MMP27: variants seen among roughly 807,000 people sequenced by gnomAD.
MMP27 encodes matrix metallopeptidase 27.
A neutral mutation model predicts 48.1 loss-of-function variants in MMP27; 51 were observed. The observed-to-expected ratio is 1.06, with a 90% confidence interval of 0.85 to 1.34. MMP27 has a LOEUF of 1.34. MMP27 is among the 40% of genes most tolerant of loss of function. The pLI is 0.00. For missense variants in MMP27, 698 were observed against 619.3 expected, an observed-to-expected ratio of 1.13 and a Z score of -1.35; for synonymous variants, 229 against 208.9, an observed-to-expected ratio of 1.10 and a Z score of -0.83.
chr11:102,702,696 C>A (rs1860964101), intron 4 of MMP27, 57 bp downstream of exon 4: 3 of 1,535,594 alleles, frequency 2.0e-6, no homozygotes, highest in East Asian at 4.5e-5. Context: ...CAAAGCTATT[C>A]TTTTCAGGGA....
chr11:102,700,313 A>G (rs1860916554), intron 4 of MMP27, among the ~76,000 whole-genome samples: 1 of 152,240 alleles, frequency 6.6e-6, no homozygotes, highest in Non-Finnish European at 1.5e-5. Flanking sequence ...GTGACTAAAT[A>G]GACAAATTTG....
intron 4 of MMP27, among the ~76,000 whole-genome samples, chr11:102,701,430 G>A (rs1003806601): frequency 2.0e-5 from 3 of 152,200 alleles, no homozygotes; most frequent in African/African-American, 7.2e-5. Context: ...TCTGCCTCTA[G>A]CTATGAAAGT....
chr11:102,694,131 A>C (rs1860778803), intron 7 of MMP27, 66 bp from the exon 8 acceptor site: 1 of 1,211,372 alleles, frequency 8.3e-7, no homozygotes, highest in Non-Finnish European at 1.1e-6. Flanking sequence ...AAATTTAAAA[A>C]TCATTAGATA....
intron 9 of MMP27, among the ~76,000 whole-genome samples, chr11:102,692,322 T>A (rs753811491): frequency 9.2e-5 from 14 of 152,210 alleles, no homozygotes; most frequent in Non-Finnish European, 2.1e-4. Context: ...AAAAGGCCCC[T>A]GTGGATATGG....
At chr11:102,694,833 G>A (rs1389730980) in intron 7 of MMP27, 134 bp downstream of exon 7, 7 of 927,520 alleles carry the variant, frequency 7.5e-6, no homozygotes, top group Non-Finnish European at 7.9e-6. Context: ...TATTCTTTAC[G>A]ACAGGAACCT....
chr11:102,699,416 C>T (rs970417041), intron 4 of MMP27, among the ~76,000 whole-genome samples: 6 of 151,964 alleles, frequency 3.9e-5, no homozygotes, highest in Admixed American at 6.6e-5. Flanking sequence ...TGTAGTGAGC[C>T]GAGATCGCAC....
intron 4 of MMP27, among the ~76,000 whole-genome samples, chr11:102,699,201 T>A (rs189712242): frequency 6.6e-6 from 1 of 152,234 alleles, no homozygotes; most frequent in East Asian, 1.9e-4. Context: ...GCGTGGTGGT[T>A]CACTCTTGTA....
intron 7 of MMP27, among the ~76,000 whole-genome samples, chr11:102,694,531 T>C (rs918500679): frequency 3.4e-4 from 51 of 152,172 alleles, no homozygotes; most frequent in Admixed American, 2.8e-3. Context: ...CAGTTAAATT[T>C]GATTTCAAGT....
chr11:102,692,701 A>G (rs771347528), intron 9 of MMP27, among the ~76,000 whole-genome samples: 1 of 152,212 alleles, frequency 6.6e-6, no homozygotes, highest in Non-Finnish European at 1.5e-5. Context: ...CTTATCAATG[A>G]TGAGTAAAAT....
At chr11:102,703,417 G>A (rs570711988) in intron 2 of MMP27, among the ~76,000 whole-genome samples, 11 of 152,132 alleles carry the variant, frequency 7.2e-5, no homozygotes, top group African/African-American at 2.4e-4. Context: ...TCTCATGTAC[G>A]TGTTGGCTTG....
Position 102,693,033 on chromosome 11 carries a change from T to C in MMP27, c.1202A>G (p.Glu401Gly). 6.2e-7 allele frequency: 1 copy of C among 1,612,502 alleles called. No homozygotes were observed. Among genetic ancestry groups the C allele is most frequent in the Non-Finnish European group, 8.5e-7 (1 of 1,178,868 alleles). Residue 401 changes from glutamate (E) to glycine (G), a missense_variant, in exon 9 of 10, where the codon GAA (glutamate) becomes GGA (glycine). Coordinates refer to ENST00000260229, the MANE Select transcript of MMP27 (RefSeq NM_022122.3). The part of the protein sequence containing the change: ...FVGIWCWRFD[E>G]MTQTMDKGFP... ...CCCTTTGTCCATGGTTTGGGTCATT[T>C]CATCAAACCTGCATACAAGAATATG...
chr11:102,691,669 T>A lies in MMP27; in HGVS notation c.*97A>T. On this transcript the variant is annotated 3_prime_UTR_variant, in exon 10 of 10. Transcript: ENST00000260229. The stretch of plus-strand genomic sequence containing the variant: ...GCCATTGAATTTGGATATTTAGAAC[T>A]AGGACCAGCAACTTGTTGTTAAAGA... The A allele has an allele frequency of 8.9e-7, 1 of 1,124,894 alleles. No individual in the cohort carries two copies. Among genetic ancestry groups the A allele is most frequent in the Non-Finnish European group, 1.2e-6 (1 of 812,642 alleles). 69.7% of individuals were successfully genotyped at this position (1,124,894 alleles called of 1,614,324 possible).
Position 102,703,011 on chromosome 11 carries a change from G to T in MMP27, c.449C>A (p.Ser150Ter). The T allele has an allele frequency of 6.2e-7, 1 of 1,614,134 alleles. No homozygotes were observed. The highest frequency in any genetic ancestry group is 8.5e-7 in the Non-Finnish European group (1 of 1,180,010). ...KVTPLKFTKI[S>*]KGIADIMIAF... is the part of the protein sequence containing the mutation. ...AATCATGATGTCTGCAATCCCCTTT[G>T]AAATCTTGGTGAATTTTAGTGGAGT... Residue 150 changes from serine to a stop codon, truncating the protein, a stop_gained, in exon 3 of 10, where the codon TCA (serine) becomes TAA (stop). Coordinates refer to ENST00000260229, the MANE Select transcript of MMP27 (RefSeq NM_022122.3). LOFTEE classifies it high-confidence loss of function.
chr11:102,705,372 C>T (rs181206737), intron 1 of MMP27, among the ~76,000 whole-genome samples: 11 of 152,250 alleles, frequency 7.2e-5, no homozygotes, highest in African/African-American at 2.6e-4. Flanking sequence ...TCGCACTAAA[C>T]ATCCCTTCAT....
At chr11:102,701,153 T>C (rs1860932544) in intron 4 of MMP27, among the ~76,000 whole-genome samples, 1 of 152,198 alleles carries the variant, frequency 6.6e-6, no homozygotes, top group Admixed American at 6.5e-5. Flanking sequence ...CAATTTCTAC[T>C]CTGAGGGACT....
At chr11:102,703,277 A>T (rs1860980970) in intron 2 of MMP27, among the ~76,000 whole-genome samples, 159 bp from the exon 3 acceptor site, 1 of 152,216 alleles carries the variant, frequency 6.6e-6, no homozygotes, top group Non-Finnish European at 1.5e-5. Flanking sequence ...TTTAAATGAA[A>T]TACTCTTACA....
Position 102,702,747 on chromosome 11 carries a change from A to G in MMP27, c.619+6T>C. 3.8e-6 allele frequency: 6 copies of G among 1,589,134 alleles called. No homozygotes were observed. Among genetic ancestry groups the G allele is most frequent in the Non-Finnish European group, 5.1e-6 (6 of 1,173,110 alleles). On this transcript the variant is annotated splice_donor_region_variant and intron_variant, in intron 4 of 9. Coordinates refer to ENST00000260229, the MANE Select transcript of MMP27 (RefSeq NM_022122.3). The stretch of plus-strand genomic sequence containing the variant: ...AGATTTTGTTCATAAAGAAAATTAG[A>G]CTCACCTGCTCCATCCTTGGTCCAG...
In MMP27 at chr11:102,693,303, T is replaced by A. The variant is rs117549583; in HGVS notation, c.1194-262A>T. On this transcript the variant is annotated intron_variant, in intron 8 of 9. Transcript: ENST00000260229. ...TATTCAGAGAAATCGTTACATCAGA[T>A]TGAAGGCTGAGCTTGGAGCTTTCAA... Among the ~76,000 whole-genome samples, 268 of 152,322 alleles carry A rather than the reference T, an allele frequency of 1.8e-3. 3 individuals are homozygous for A. In the East Asian group the frequency reaches 0.024, roughly 13 times the overall value.
intron 4 of MMP27, among the ~76,000 whole-genome samples, chr11:102,700,691 T>C (rs1208417254): frequency 6.6e-6 from 1 of 152,238 alleles, no homozygotes; most frequent in Non-Finnish European, 1.5e-5. Flanking sequence ...TTCCCAACAC[T>C]GCATCTGTAG....
Sources: allele counts gnomAD v4.1 joint callset (sites outside exome capture counted in the v4.1 genomes callset), GRCh38; gene constraint gnomAD v4.1.1; transcripts MANE v1.5; gene names NCBI Gene and HGNC (gene_info 2026-07-23, HGNC 2026-07-21).